Variants in MYO1E observed in about 807,000 individuals in gnomAD.
The protein encoded by MYO1E is myosin IE.
Under a neutral mutation model 151.1 loss-of-function variants are expected in MYO1E, and 68 were observed. The ratio of observed to expected loss-of-function variants is 0.45; its 90% CI spans 0.37 to 0.55. The LOEUF (loss-of-function observed/expected upper bound fraction) is 0.55, where lower values mean the gene tolerates loss of function less well. Ranked by LOEUF, MYO1E falls within the 20% of genes least tolerant of loss-of-function variation. The probability of loss-of-function intolerance (pLI) is 0.00; values close to 1 mark genes in which losing one functional copy is unlikely to be tolerated. For synonymous variants in MYO1E, 601 were observed against 501.7 expected (o/e 1.20, Z -2.64); for missense variants, 1,363 against 1,389.3 (o/e 0.98, Z 0.30).
chr15:59,192,972 T>TTCTA (rs2079743059), intron 17 of MYO1E, among the ~76,000 whole-genome samples: 1 of 150,776 alleles, frequency 6.6e-6, no homozygotes. Context: ...GGAGATCCTA[T>TTCTA]TCTAGATGGA....
intron 19 of MYO1E, among the ~76,000 whole-genome samples, chr15:59,177,974 G>A (rs1010498312): frequency 2.6e-5 from 4 of 152,216 alleles, no homozygotes; most frequent in African/African-American, 9.7e-5. Context: ...ACTAACCATG[G>A]GTGGGACACT....
At chr15:59,276,336 AC>A (rs2080318840) in intron 1 of MYO1E, among the ~76,000 whole-genome samples, 1 of 152,206 alleles carries the variant, frequency 6.6e-6, no homozygotes, top group Non-Finnish European at 1.5e-5. Flanking sequence ...TAAAAATGGT[AC>A]CATTTTAAAC....
At chr15:59,223,986 C>T (rs569026826) in intron 8 of MYO1E, among the ~76,000 whole-genome samples, 1 of 152,198 alleles carries the variant, frequency 6.6e-6, no homozygotes, top group South Asian at 2.1e-4. Flanking sequence ...ACTGAACCCA[C>T]GCTGCTCATT....
rs193114973 is a variant in MYO1E at position 59,217,818 on chromosome 15, G to A, written c.1107+73C>T. Reference sequence around the variant, plus strand: ...ACTGGGATTACAGGTGTGAGCCACCGCACCCAGCCTACTAGTTTTACTCTT... The same window carrying A: ...ACTGGGATTACAGGTGTGAGCCACCACACCCAGCCTACTAGTTTTACTCTT... On this transcript the variant is annotated intron_variant, in intron 10 of 27. Coordinates refer to ENST00000288235, the MANE Select transcript of MYO1E (RefSeq NM_004998.4). The A allele has an allele frequency of 8.0e-5, 124 of 1,543,934 alleles. No individual in the cohort carries two copies. The Middle Eastern group carries it at 1.7e-3, about 21-fold the overall frequency.
At chr15:59,227,870 C>T (rs944890003) in intron 6 of MYO1E, among the ~76,000 whole-genome samples, 18 of 152,266 alleles carry the variant, frequency 1.2e-4, no homozygotes, top group Middle Eastern at 3.4e-3. Context: ...AGGTGCCTGT[C>T]TGCTCAACCA....
chr15:59,359,344 C>A (rs1461927400), intron 1 of MYO1E, among the ~76,000 whole-genome samples: 6 of 145,094 alleles, frequency 4.1e-5, no homozygotes, highest in African/African-American at 1.3e-4. Flanking sequence ...TTTTAATTAG[C>A]TAGGCATGGC....
intron 18 of MYO1E, among the ~76,000 whole-genome samples, chr15:59,184,660 C>A (rs760798428): frequency 1.3e-5 from 2 of 152,194 alleles, no homozygotes; most frequent in Non-Finnish European, 2.9e-5. Flanking sequence ...TGCACCCAGC[C>A]TGTATCACAT....
At chr15:59,206,835 C>A in intron 14 of MYO1E, 1 of 1,195,096 alleles carries the variant, frequency 8.4e-7, no homozygotes. Context: ...GGCACGCGCA[C>A]CTGCCGTAGA....
In MYO1E at chr15:59,372,643, A is replaced by G. The variant is rs780853218; in HGVS notation, c.-143T>C. 8 of 1,065,852 alleles carry G rather than the reference A, an allele frequency of 7.5e-6. No homozygotes were observed. Among genetic ancestry groups the G allele is most frequent in the Middle Eastern group, 2.6e-4 (1 of 3,880 alleles). The allele number at this position is 1,065,852 out of a possible 1,614,324, so 66.0% of individuals were successfully genotyped here. ...GACACCCAAGCACTCACAGGAGCCA[A>G]TGGGAACCCAGAGGGGACTCCATCC... On this transcript the variant is annotated 5_prime_UTR_variant, in exon 1 of 28. Coordinates refer to ENST00000288235, the MANE Select transcript of MYO1E (RefSeq NM_004998.4).
intron 18 of MYO1E, among the ~76,000 whole-genome samples, chr15:59,185,694 A>G (rs2140324060): frequency 6.6e-6 from 1 of 152,342 alleles, no homozygotes; most frequent in African/African-American, 2.4e-5. Context: ...TGGGCAACCA[A>G]GGGAGACCTT....
intron 17 of MYO1E, 83 bp downstream of exon 17, chr15:59,195,378 G>T: frequency 8.2e-7 from 1 of 1,224,484 alleles, no homozygotes; most frequent in Non-Finnish European, 1.2e-6. Flanking sequence ...AACTGACACT[G>T]CTCCTGCCTG....
chr15:59,336,497 G>T (rs1339235316), intron 1 of MYO1E, among the ~76,000 whole-genome samples: 6 of 152,102 alleles, frequency 3.9e-5, no homozygotes, highest in Non-Finnish European at 8.8e-5. Flanking sequence ...TTAAAATTAT[G>T]TGTTTTTAAT....
At position 59,302,457 on chromosome 15, in the gene MYO1E, T is replaced by C. The variant is rs1341441779; in HGVS notation, c.4-30008A>G. 2.0e-5 allele frequency among the ~76,000 whole-genome samples: 3 copies of C among 152,336 alleles called. No individual in the cohort carries two copies. In the South Asian group the frequency reaches 6.2e-4, roughly 32 times the overall value. On this transcript the variant is annotated intron_variant, in intron 1 of 27. Transcript: ENST00000288235. ...TTAGCTGGGTGACCACTGCAGTCAC[T>C]TAAGGCCGCTTAGTCTCACTTTCCT...
intron 7 of MYO1E, 116 bp from the exon 8 acceptor site, chr15:59,224,939 C>A: frequency 7.1e-7 from 1 of 1,407,108 alleles, no homozygotes; most frequent in South Asian, 1.2e-5. Flanking sequence ...TCTAAAATTA[C>A]AGGCAGTCCT....
chr15:59,251,032 G>A (rs755823867), intron 4 of MYO1E, among the ~76,000 whole-genome samples: 4 of 152,164 alleles, frequency 2.6e-5, no homozygotes, highest in Non-Finnish European at 4.4e-5. Context: ...CCAGAAGAGG[G>A]AAAATGTGAG....
chr15:59,258,986 A>G (rs149679999), intron 3 of MYO1E, among the ~76,000 whole-genome samples: 1,649 of 151,462 alleles, frequency 0.011, 35 homozygotes, highest in African/African-American at 0.037. Context: ...AAATAGAGAC[A>G]GGGTCTCACC....
At chr15:59,152,448 C>T (rs2079487087) in intron 26 of MYO1E, among the ~76,000 whole-genome samples, 1 of 152,108 alleles carries the variant, frequency 6.6e-6, no homozygotes, top group African/African-American at 2.4e-5. Context: ...CAGGCCATTA[C>T]TAGCTTTAGC....
intron 26 of MYO1E, among the ~76,000 whole-genome samples, chr15:59,141,204 A>C (rs2079406976): frequency 6.6e-6 from 1 of 151,998 alleles, no homozygotes; most frequent in Non-Finnish European, 1.5e-5. Context: ...CTGGCAGTCC[A>C]CAGAACTGGG....
At chr15:59,160,322 G>C (rs987093200) in intron 24 of MYO1E, among the ~76,000 whole-genome samples, 1 of 147,348 alleles carries the variant, frequency 6.8e-6, no homozygotes, top group Non-Finnish European at 1.5e-5. Context: ...GTTAGACTGG[G>C]GTTTGAGGTA....
Sources: gnomAD v4.1 joint callset for allele counts (sites outside exome capture counted in the v4.1 genomes callset) on GRCh38, gnomAD v4.1.1 for gene constraint, MANE v1.5 for transcripts, NCBI Gene and HGNC (gene_info 2026-07-23, HGNC 2026-07-21) for gene names.